The following TRPM4 variants were observed in gnomAD, a reference collection of about 807,000 sequenced individuals.
TRPM4 encodes calcium-activated non-selective cation channel 1.
TRPM4 carries 124 observed loss-of-function variants against 135.6 expected under a neutral mutation model. That is an observed-to-expected ratio of 0.91 (90% CI 0.79 to 1.06). TRPM4 has a LOEUF of 1.06. TRPM4 is among the 50% of genes least tolerant of loss of function. The pLI is 0.00. For missense variants in TRPM4, 1,658 were observed against 1,671.4 expected, an observed-to-expected ratio of 0.99 and a Z score of 0.14; for synonymous variants, 745 against 705.6, an observed-to-expected ratio of 1.06 and a Z score of -0.88.
At chr19:49,162,308 G>T (rs1329572681) in intron 2 of TRPM4, among the ~76,000 whole-genome samples, 1 of 152,114 alleles carries the variant, frequency 6.6e-6, no homozygotes, top group African/African-American at 2.4e-5. Context: ...AGAGGCCGAG[G>T]TGGGCTGATC....
At chr19:49,175,587 C>T (rs138254910) in intron 9 of TRPM4, among the ~76,000 whole-genome samples, 213 of 152,158 alleles carry the variant, frequency 1.4e-3, no homozygotes, top group African/African-American at 4.9e-3. Context: ...CAGCATTCTA[C>T]CTCAGCTCCC....
chr19:49,160,143 G>A (rs1466408757), intron 2 of TRPM4, among the ~76,000 whole-genome samples: 1 of 152,184 alleles, frequency 6.6e-6, no homozygotes, highest in East Asian at 1.9e-4. Flanking sequence ...TCTGGAGGGA[G>A]GAAGAGTGGC....
intron 17 of TRPM4, among the ~76,000 whole-genome samples, chr19:49,197,473 CTCCT>C (rs59760626): frequency 0.025 from 2,836 of 114,888 alleles, 99 homozygotes; most frequent in African/African-American, 0.074. Context: ...GCCTCCCTCC[CTCCT>C]TCCTTCCTTC....
At chr19:49,182,444 C>A (rs111357276) in intron 10 of TRPM4, 134 bp from the exon 11 acceptor site, 1 of 720,952 alleles carries the variant, frequency 1.4e-6, no homozygotes, top group Non-Finnish European at 2.4e-6. Context: ...ATTCATCCAT[C>A]CATCCACCCA....
chr19:49,168,492 C>T (rs376048499), intron 5 of TRPM4, 61 bp from the exon 6 acceptor site: 1 of 1,613,596 alleles, frequency 6.2e-7, no homozygotes, highest in South Asian at 1.1e-5. Context: ...GGAGGAGGGG[C>T]TCGTGTTTGT....
intron 3 of TRPM4, among the ~76,000 whole-genome samples, chr19:49,167,379 G>A (rs1423308558): frequency 4.2e-5 from 4 of 94,132 alleles, no homozygotes; most frequent in Non-Finnish European, 6.3e-5. Context: ...CTCTGTCCCC[G>A]TCTCTCCGGG....
At chr19:49,194,976 G>T (rs1968576964) in intron 16 of TRPM4, among the ~76,000 whole-genome samples, 2 of 150,540 alleles carry the variant, frequency 1.3e-5, no homozygotes, top group Non-Finnish European at 3.0e-5. Flanking sequence ...TGCCCAGGCT[G>T]GTGTTGAACT....
At chr19:49,209,235 G>A (rs1042714860) in intron 20 of TRPM4, among the ~76,000 whole-genome samples, 89 of 152,240 alleles carry the variant, frequency 5.8e-4, no homozygotes, top group African/African-American at 2.1e-3. Flanking sequence ...ATTTTCTTGT[G>A]ATATCTTTAT....
intron 2 of TRPM4, among the ~76,000 whole-genome samples, chr19:49,165,370 C>T (rs545244754): frequency 6.6e-6 from 1 of 152,294 alleles, no homozygotes; most frequent in East Asian, 1.9e-4. Context: ...TAGCACCCGG[C>T]TGAGCCTCTC....
At chr19:49,201,870 G>A in intron 19 of TRPM4, 94 bp from the exon 20 acceptor site, 2 of 1,342,470 alleles carry the variant, frequency 1.5e-6, no homozygotes, top group Non-Finnish European at 2.1e-6. Context: ...AAAAGTGCTG[G>A]GATTACAGGC....
At chr19:49,202,731 G>C (rs867092943) in intron 20 of TRPM4, among the ~76,000 whole-genome samples, 11 of 151,778 alleles carry the variant, frequency 7.2e-5, no homozygotes, top group African/African-American at 2.4e-4. Flanking sequence ...TAGAGATAGG[G>C]TTTCACCATG....
chr19:49,168,792 G>A lies in TRPM4; in HGVS notation c.796+56G>A, dbSNP rs1036748763. ...ACGACCCACAACCTGCAACCCCAGC[G>A]CTCAGGATCCCAGTAGTTTGGTCTG... On this transcript the variant is annotated intron_variant, in intron 6 of 24. Coordinates refer to ENST00000252826, the MANE Select transcript of TRPM4 (RefSeq NM_017636.4). 23 of 1,526,916 alleles carry A rather than the reference G, an allele frequency of 1.5e-5. No individual in the cohort carries two copies. In the African/African-American group the frequency reaches 1.5e-4, roughly 10 times the overall value. 94.6% of individuals were successfully genotyped at this position (1,526,916 alleles called of 1,614,324 possible).
Position 49,181,555 on chromosome 19 carries a change from G to A in TRPM4, c.1263+94G>A, listed in dbSNP as rs111832103. The A allele has an allele frequency of 3.4e-3, 2,477 of 731,708 alleles. 47 individuals are homozygous for A. In the African/African-American group the frequency reaches 0.05, roughly 15 times the overall value. The allele number at this position is 731,708 out of a possible 1,614,324, so 45.3% of individuals were successfully genotyped here. A position where few individuals can be genotyped will look rare whatever the true frequency, so the allele number is the denominator to read the frequency against. On this transcript the variant is annotated intron_variant, in intron 10 of 24. Transcript: ENST00000252826. ...CTTTTTTTTTTTTTTTTTTTTTGAC[G>A]GAGTCTCACTCTGTCACCCAGCCTG... is the stretch of plus-strand genomic sequence containing the variant.
At chr19:49,192,345 A>T (rs972650088) in intron 16 of TRPM4, among the ~76,000 whole-genome samples, 1 of 152,036 alleles carries the variant, frequency 6.6e-6, no homozygotes, top group African/African-American at 2.4e-5. Context: ...GGGTTTCACC[A>T]TGTTGGCCAG....
chr19:49,159,958 T>C (rs1250431493), intron 2 of TRPM4: 2 of 152,206 alleles, frequency 1.3e-5, no homozygotes, highest in Non-Finnish European at 2.9e-5. Context: ...GATAGGTCAG[T>C]GTGGTCAAGA....
chr19:49,168,013 C>T lies in TRPM4; in HGVS notation c.364C>T (p.Leu122=). The change falls in exon 4 of 25, where the codon CTG becomes TTG. Residue 122 remains leucine (L), a synonymous_variant. Transcript: ENST00000252826. ...TGCCCCGAACCTGGTGGTGTCAGTGCTGGGGGGATCGGGGGGCCCCGTCCT... is the reference window on the plus strand; with the variant it reads ...TGCCCCGAACCTGGTGGTGTCAGTGTTGGGGGGATCGGGGGGCCCCGTCCT... ...FRAPNLVVSV[L]GGSGGPVLQT... is the part of the protein sequence containing the mutation. The T allele has an allele frequency of 6.2e-7, 1 of 1,613,626 alleles. No individual in the cohort carries two copies. Among genetic ancestry groups the T allele is most frequent in the South Asian group, 1.1e-5 (1 of 91,082 alleles).
intron 9 of TRPM4, among the ~76,000 whole-genome samples, chr19:49,174,870 G>A (rs1419168751): frequency 6.6e-6 from 1 of 151,400 alleles, no homozygotes. Context: ...CCAGGGCTCT[G>A]TGTGGGGAGG....
chr19:49,180,428 C>CTGTG (rs71919979), intron 9 of TRPM4, among the ~76,000 whole-genome samples: 7,696 of 131,232 alleles, frequency 0.059, 267 homozygotes, highest in Non-Finnish European at 0.073. Context: ...TCATCATCTG[C>CTGTG]TGTGTGTGTG....
chr19:49,164,257 CTCTT>C (rs1967076860), intron 2 of TRPM4, among the ~76,000 whole-genome samples: 1 of 145,898 alleles, frequency 6.9e-6, no homozygotes, highest in Non-Finnish European at 1.5e-5. Flanking sequence ...TTCTCTCTTT[CTCTT>C]TCTTTCTCTC....
Sources: gnomAD v4.1 joint callset for allele counts (sites outside exome capture counted in the v4.1 genomes callset) on GRCh38, gnomAD v4.1.1 for gene constraint, MANE v1.5 for transcripts, NCBI Gene and HGNC (gene_info 2026-07-23, HGNC 2026-07-21) for gene names.